The following ARFGEF3 variants were observed in gnomAD, a reference collection of about 807,000 sequenced individuals.
ARFGEF3 encodes the protein ARFGEF family member 3.
ARFGEF3 carries 96 observed loss-of-function variants against 221.7 expected under a neutral mutation model. The observed-to-expected ratio is 0.43, with a 90% CI of 0.37 to 0.51. The LOEUF (loss-of-function observed/expected upper bound fraction) is 0.51. Ranked by LOEUF, ARFGEF3 falls within the 20% of genes least tolerant of loss-of-function variation. The probability of loss-of-function intolerance (pLI) is 0.00; values close to 1 mark genes in which losing one functional copy is unlikely to be tolerated. For missense variants in ARFGEF3, 2,410 were observed against 2,789.9 expected, an observed-to-expected ratio of 0.86 and a Z score of 3.07; for synonymous variants, 1,145 against 1,126.8, an observed-to-expected ratio of 1.02 and a Z score of -0.32.
At chr6:138,267,934 T>C (rs1418687586) in intron 12 of ARFGEF3, among the ~76,000 whole-genome samples, 2 of 152,274 alleles carry the variant, frequency 1.3e-5, no homozygotes, top group African/African-American at 4.8e-5. Context: ...TAGGTCTATT[T>C]AATTCTAGTG....
At chr6:138,333,741 C>T (rs1457282876) in intron 32 of ARFGEF3, among the ~76,000 whole-genome samples, 1 of 152,096 alleles carries the variant, frequency 6.6e-6, no homozygotes, top group East Asian at 1.9e-4. Flanking sequence ...CGCGCTCGGC[C>T]CAGCTTCAGG....
chr6:138,161,945 C>A lies in ARFGEF3; in HGVS notation c.-142C>A. 1 of 249,548 alleles carries A rather than the reference C, an allele frequency of 4.0e-6. No individual in the cohort carries two copies. Among genetic ancestry groups the A allele is most frequent in the Non-Finnish European group, 7.4e-6 (1 of 135,954 alleles). 15.5% of individuals were successfully genotyped at this position (249,548 alleles called of 1,614,324 possible). ...CCCGCGGCATGGAGCGGGCGTGATT[C>A]ATCAGCATCCGCGCCGGGGCGGCAT... On this transcript the variant is annotated 5_prime_UTR_variant, in exon 1 of 34. Transcript: ENST00000251691.
intron 21 of ARFGEF3, among the ~76,000 whole-genome samples, chr6:138,297,969 CA>C (rs766074463): frequency 2.0e-5 from 3 of 152,176 alleles, no homozygotes; most frequent in Non-Finnish European, 4.4e-5. Context: ...TAGACTCCAG[CA>C]GACCAGCCCC....
intron 2 of ARFGEF3, among the ~76,000 whole-genome samples, chr6:138,175,117 C>G (rs889948925): frequency 9.3e-4 from 141 of 152,264 alleles, no homozygotes; most frequent in African/African-American, 3.2e-3. Flanking sequence ...GGCTCTGTCA[C>G]TGATGAAATG....
intron 10 of ARFGEF3, among the ~76,000 whole-genome samples, chr6:138,259,699 G>A (rs940020426): frequency 6.6e-6 from 1 of 152,156 alleles, no homozygotes; most frequent in African/African-American, 2.4e-5. Context: ...ATCATCTGAG[G>A]TCAGGAGTTC....
At position 138,263,499 on chromosome 6, in the gene ARFGEF3, C is replaced by T. The variant is rs73774698; in HGVS notation, c.2016C>T (p.Ser672=). 139 of 1,613,792 alleles carry T rather than the reference C, an allele frequency of 8.6e-5. No individual in the cohort carries two copies. In the African/African-American group the frequency reaches 1.6e-3, roughly 19 times the overall value. Residue 672 remains serine, a synonymous_variant, in exon 12 of 34, where the codon AGC becomes AGT. Transcript: ENST00000251691. The stretch of plus-strand genomic sequence containing the variant: ...AGAACCAGGAGGCGGATCAGCACAG[C>T]GCCAGGCTGTTCATACAGTCCCTGG... The part of the protein sequence containing the change: ...LLKNQEADQH[S]ARLFIQSLEG...
intron 8 of ARFGEF3, among the ~76,000 whole-genome samples, 165 bp downstream of exon 8, chr6:138,245,756 G>A (rs9402966): frequency 6.6e-6 from 1 of 152,172 alleles, no homozygotes; most frequent in South Asian, 2.1e-4. Flanking sequence ...TATTCTGAAA[G>A]TTGGTGCAGT....
At chr6:138,186,125 T>C (rs1050996584) in intron 2 of ARFGEF3, among the ~76,000 whole-genome samples, 3 of 152,334 alleles carry the variant, frequency 2.0e-5, no homozygotes, top group African/African-American at 7.2e-5. Flanking sequence ...TGTGTTAGAA[T>C]GGGAATTGTT....
At chr6:138,308,597 G>A (rs113382385) in intron 23 of ARFGEF3, 142 bp from the exon 24 acceptor site, 8,999 of 856,192 alleles carry the variant, frequency 0.011, 252 homozygotes, top group African/African-American at 0.085. Flanking sequence ...CAAGCCAATG[G>A]CCCAATAAAA....
intron 2 of ARFGEF3, among the ~76,000 whole-genome samples, chr6:138,202,563 C>T (rs1362473418): frequency 6.6e-6 from 1 of 151,952 alleles, no homozygotes; most frequent in Non-Finnish European, 1.5e-5. Flanking sequence ...ATTATTATGG[C>T]CCTGCTGCCA....
chr6:138,188,036 A>G (rs1401849748), intron 2 of ARFGEF3, among the ~76,000 whole-genome samples: 1 of 152,222 alleles, frequency 6.6e-6, no homozygotes, highest in Non-Finnish European at 1.5e-5. Flanking sequence ...ATAATAGAGT[A>G]GGATATAGTG....
chr6:138,234,303 T>C (rs779446817), intron 5 of ARFGEF3, among the ~76,000 whole-genome samples: 1 of 152,136 alleles, frequency 6.6e-6, no homozygotes, highest in Non-Finnish European at 1.5e-5. Flanking sequence ...AAGAAGACCA[T>C]AGAGGAGGAA....
intron 4 of ARFGEF3, among the ~76,000 whole-genome samples, chr6:138,220,144 G>T (rs1490772268): frequency 2.6e-5 from 4 of 152,062 alleles, no homozygotes; most frequent in Non-Finnish European, 5.9e-5. Flanking sequence ...TCAGCCTACT[G>T]GGTGCGCCAC....
intron 14 of ARFGEF3, among the ~76,000 whole-genome samples, chr6:138,282,885 C>CA (rs1046971270): frequency 4.0e-5 from 6 of 151,600 alleles, no homozygotes; most frequent in Middle Eastern, 3.4e-3. Flanking sequence ...CCCATCTCTA[C>CA]AAAAAAAATA....
At chr6:138,250,551 T>C (rs1021636692) in intron 8 of ARFGEF3, among the ~76,000 whole-genome samples, 3 of 152,232 alleles carry the variant, frequency 2.0e-5, no homozygotes, top group African/African-American at 7.2e-5. Flanking sequence ...CTCCTTTCTT[T>C]AACTAAATTC....
intron 12 of ARFGEF3, among the ~76,000 whole-genome samples, chr6:138,270,194 CTA>C (rs1778977628): frequency 6.6e-6 from 1 of 152,130 alleles, no homozygotes; most frequent in South Asian, 2.1e-4. Context: ...AGTCATGATT[CTA>C]TTACCAAGTA....
chr6:138,275,868 ATCTC>A (rs1562376438), intron 12 of ARFGEF3, among the ~76,000 whole-genome samples: 1 of 152,222 alleles, frequency 6.6e-6, no homozygotes, highest in Non-Finnish European at 1.5e-5. Flanking sequence ...GTAAATTTGT[ATCTC>A]TCATTTCTTT....
intron 32 of ARFGEF3, among the ~76,000 whole-genome samples, chr6:138,328,889 C>T (rs1317705754): frequency 6.6e-6 from 1 of 152,004 alleles, no homozygotes; most frequent in Non-Finnish European, 1.5e-5. Context: ...CCCAGCTACT[C>T]AGGAAGCTGA....
chr6:138,263,451 C>T lies in ARFGEF3; in HGVS notation c.1968C>T (p.Ala656=), dbSNP rs200794155. The change falls in exon 12 of 34, where the codon GCC becomes GCT. Residue 656 remains alanine (A), a synonymous_variant. Transcript: ENST00000251691. ...TAGGCCACCGGTCCCTGCGAACTGC[C>T]GCCCTGTCTCTAAAACTGCTGAAGA... ...DCLGHRSLRT[A]ALSLKLLKNQ... is the part of the protein sequence containing the mutation. 81 of 1,613,972 alleles carry T rather than the reference C, an allele frequency of 5.0e-5. 1 individual carries two copies. The highest frequency in any genetic ancestry group is 4.7e-4 in the South Asian group (43 of 91,086).
Sources: allele counts gnomAD v4.1 joint callset (sites outside exome capture counted in the v4.1 genomes callset), GRCh38; gene constraint gnomAD v4.1.1; transcripts MANE v1.5; gene names NCBI Gene and HGNC (gene_info 2026-07-23, HGNC 2026-07-21).